Variants in EML1 observed in about 807,000 individuals in gnomAD.
EML1 encodes the protein echinoderm microtubule-associated protein-like 1.
EML1 carries 27 observed loss-of-function variants against 110.4 expected under a neutral mutation model. That is an observed-to-expected ratio of 0.24 (90% CI 0.18 to 0.34). The LOEUF (loss-of-function observed/expected upper bound fraction) is 0.34. Ranked by LOEUF, EML1 falls within the 10% of genes least tolerant of loss-of-function variation. EML1 has a pLI of 1.00. For missense variants in EML1, 741 were observed against 1,030.9 expected (o/e 0.72, Z 3.85); for synonymous variants, 344 against 385.8 (o/e 0.89, Z 1.27).
At chr14:99,868,783 ATTG>A (rs2059145493) in intron 3 of EML1, among the ~76,000 whole-genome samples, 1 of 150,186 alleles carries the variant, frequency 6.7e-6, no homozygotes, top group Non-Finnish European at 1.5e-5. Flanking sequence ...TTTTTTTCCT[ATTG>A]TTTTTCTATT....
chr14:99,921,649 C>A (rs1158591516), intron 17 of EML1, among the ~76,000 whole-genome samples: 1 of 152,162 alleles, frequency 6.6e-6, no homozygotes, highest in Admixed American at 6.5e-5. Flanking sequence ...CACCACCCGC[C>A]TCCCATATTC....
intron 3 of EML1, among the ~76,000 whole-genome samples, chr14:99,870,132 A>C (rs1449110358): frequency 1.3e-5 from 2 of 152,250 alleles, no homozygotes; most frequent in Non-Finnish European, 2.9e-5. Flanking sequence ...TGAACACGTG[A>C]ATGATAAAAG....
At chr14:99,902,770 T>C (rs1436156772) in intron 9 of EML1, among the ~76,000 whole-genome samples, 2 of 152,208 alleles carry the variant, frequency 1.3e-5, no homozygotes, top group African/African-American at 4.8e-5. Context: ...TCCTCTCCTC[T>C]TGGGGGGTCC....
At chr14:99,895,118 A>G (rs2059650079) in intron 6 of EML1, among the ~76,000 whole-genome samples, 1 of 152,140 alleles carries the variant, frequency 6.6e-6, no homozygotes, top group South Asian at 2.1e-4. Context: ...AAAATGAATC[A>G]CTAGTTTCTG....
intron 1 of EML1, among the ~76,000 whole-genome samples, chr14:99,775,898 T>C (rs1222962375): frequency 6.6e-6 from 1 of 152,232 alleles, no homozygotes; most frequent in Non-Finnish European, 1.5e-5. Flanking sequence ...GGACCCATTA[T>C]AAGAACATTA....
At chr14:99,814,901 T>G (rs1413771839) in intron 1 of EML1, among the ~76,000 whole-genome samples, 6 of 152,126 alleles carry the variant, frequency 3.9e-5, no homozygotes, top group Non-Finnish European at 8.8e-5. Flanking sequence ...CAGTAATCCT[T>G]GGAGGGTAGG....
At chr14:99,748,533 C>G (rs2057139363) in intron 1 of EML1, among the ~76,000 whole-genome samples, 1 of 151,926 alleles carries the variant, frequency 6.6e-6, no homozygotes, top group East Asian at 1.9e-4. Flanking sequence ...CTTTGGGAGG[C>G]CAAGGCAGGA....
In EML1 at chr14:99,784,737, G is replaced by A. The variant is rs1317639211; in HGVS notation, c.-27+10724G>A. Among the ~76,000 whole-genome samples the A allele has an allele frequency of 6.6e-6, 1 of 152,262 alleles. No individual in the cohort carries two copies. Among genetic ancestry groups the A allele is most frequent in the Non-Finnish European group, 1.5e-5 (1 of 68,048 alleles). ...GCCCATCCAGGCCGGATGACACACG[G>A]GAAAACAAGGAGCTGGCTTCACCAG... On this transcript the variant is annotated intron_variant, in intron 1 of 22. Coordinates refer to the EML1 transcript ENST00000327921. This position sits in a 1 kb window ranked among gnomAD's most constrained non-coding sequence, Gnocchi z 4.5.
chr14:99,804,890 G>A (rs2057943330), intron 1 of EML1, among the ~76,000 whole-genome samples: 1 of 152,168 alleles, frequency 6.6e-6, no homozygotes, highest in South Asian at 2.1e-4. Flanking sequence ...GGCCGATTCT[G>A]GGAACCACTT....
At chr14:99,743,558 C>T (rs769739751) in intron 1 of EML1, among the ~76,000 whole-genome samples, 6 of 152,176 alleles carry the variant, frequency 3.9e-5, no homozygotes, top group South Asian at 2.1e-4. Flanking sequence ...AGCACCCACC[C>T]GCTTATCTGT....
intron 1 of EML1, among the ~76,000 whole-genome samples, chr14:99,760,210 A>G (rs2057300699): frequency 6.6e-6 from 1 of 152,070 alleles, no homozygotes; most frequent in South Asian, 2.1e-4. Flanking sequence ...AATGGACTAA[A>G]TGGAGAAAAA....
chr14:99,878,725 C>T, intron 4 of EML1, 106 bp downstream of exon 4: 2 of 1,464,480 alleles, frequency 1.4e-6, no homozygotes, highest in South Asian at 1.4e-5. Context: ...GCTGGGAGTA[C>T]TCTTGGAGAA....
chr14:99,853,098 A>C (rs913451182), intron 2 of EML1, among the ~76,000 whole-genome samples: 2 of 152,174 alleles, frequency 1.3e-5, no homozygotes, highest in African/African-American at 4.8e-5. Context: ...TGTGCCCAAG[A>C]GTTTTGTTTT....
chr14:99,926,652 G>A (rs1305096128), intron 17 of EML1, among the ~76,000 whole-genome samples: 1 of 152,144 alleles, frequency 6.6e-6, no homozygotes, highest in African/African-American at 2.4e-5. Context: ...GCAGGCTGGA[G>A]TGCAGTGGGT....
chr14:99,764,091 G>A (rs1253239931), intron 1 of EML1, among the ~76,000 whole-genome samples: 2 of 152,180 alleles, frequency 1.3e-5, no homozygotes, highest in Admixed American at 1.3e-4. Context: ...TGGGGGCAGT[G>A]GAGATGCCCG....
At chr14:99,746,679 G>T (rs1022429772) in intron 1 of EML1, among the ~76,000 whole-genome samples, 6 of 152,132 alleles carry the variant, frequency 3.9e-5, no homozygotes, top group African/African-American at 2.4e-5. Flanking sequence ...AGCTGGCTCA[G>T]TCGCACCCCA....
intron 2 of EML1, among the ~76,000 whole-genome samples, chr14:99,854,105 C>T (rs894516886): frequency 6.6e-6 from 1 of 152,198 alleles, no homozygotes; most frequent in Non-Finnish European, 1.5e-5. Flanking sequence ...GGCTGTGCCA[C>T]CAAGAAGCAG....
chr14:99,903,556 C>A (rs933190382), intron 9 of EML1, among the ~76,000 whole-genome samples: 2 of 152,090 alleles, frequency 1.3e-5, no homozygotes, highest in Non-Finnish European at 2.9e-5. Flanking sequence ...ATAACAAGTA[C>A]AACTATTAAT....
intron 1 of EML1, chr14:99,838,919 G>GCGCGCGTC (rs1555394664): frequency 2.4e-5 from 1 of 41,782 alleles, no homozygotes; most frequent in Non-Finnish European, 4.9e-5. Flanking sequence ...GCGCGCGCGC[G>GCGCGCGTC]TGTGTGTGTG....
Sources: gnomAD v4.1 joint callset for allele counts (sites outside exome capture counted in the v4.1 genomes callset) on GRCh38, gnomAD v4.1.1 for gene constraint, Gnocchi (gnomAD v3.1) non-coding constraint, MANE v1.5 for transcripts, NCBI Gene and HGNC (gene_info 2026-07-23, HGNC 2026-07-21) for gene names.